COBLL1: variants seen among roughly 807,000 people sequenced by gnomAD.
COBLL1 encodes cordon-bleu WH2 repeat protein like 1.
COBLL1 carries 50 observed loss-of-function variants against 94.8 expected under a neutral mutation model. That is an observed-to-expected ratio of 0.53 (90% CI 0.42 to 0.67). COBLL1 has a LOEUF of 0.67. Ranked by LOEUF, COBLL1 falls within the 30% of genes least tolerant of loss-of-function variation. The probability of loss-of-function intolerance (pLI) is 0.00; values close to 1 mark genes in which losing one functional copy is unlikely to be tolerated. For missense variants in COBLL1, 1,362 were observed against 1,348.7 expected (o/e 1.01, Z -0.15); for synonymous variants, 448 against 473.8 (o/e 0.95, Z 0.71).
chr2:164,727,211 C>CATCACTGAGTTTAT, intron 5 of COBLL1: 1 of 882,540 alleles, frequency 1.1e-6, no homozygotes, highest in East Asian at 2.9e-5. Flanking sequence ...AAGTATAAAA[C>CATCACTGAGTTTAT]ATCACTGAGT....
At chr2:164,692,964 T>C (rs1377930584) in intron 12 of COBLL1, among the ~76,000 whole-genome samples, 1 of 152,170 alleles carries the variant, frequency 6.6e-6, no homozygotes, top group African/African-American at 2.4e-5. Flanking sequence ...TTTTTTGCCA[T>C]GAGAATCAAT....
intron 3 of COBLL1, among the ~76,000 whole-genome samples, chr2:164,741,883 T>C (rs1352496345): frequency 6.6e-6 from 1 of 152,130 alleles, no homozygotes; most frequent in Non-Finnish European, 1.5e-5. Context: ...CAGTCATAAA[T>C]TAGACTTGAG....
At chr2:164,799,441 T>C (rs905463700) in intron 2 of COBLL1, among the ~76,000 whole-genome samples, 1 of 152,140 alleles carries the variant, frequency 6.6e-6, no homozygotes, top group Non-Finnish European at 1.5e-5. Flanking sequence ...CTACATAACA[T>C]AGATGAAGGA....
At chr2:164,762,679 A>T (rs865875896) in intron 2 of COBLL1, among the ~76,000 whole-genome samples, 1 of 151,922 alleles carries the variant, frequency 6.6e-6, no homozygotes, top group South Asian at 2.1e-4. Context: ...CCTACAGGCC[A>T]AGTTAAGCCT....
intron 2 of COBLL1, among the ~76,000 whole-genome samples, chr2:164,810,829 A>G (rs1684424315): frequency 6.6e-6 from 1 of 151,966 alleles, no homozygotes; most frequent in African/African-American, 2.4e-5. Context: ...GAAAATAAAT[A>G]CATGAAGCAT....
intron 2 of COBLL1, among the ~76,000 whole-genome samples, chr2:164,816,146 G>C (rs1684733793): frequency 6.6e-6 from 1 of 151,950 alleles, no homozygotes; most frequent in Non-Finnish European, 1.5e-5. Flanking sequence ...TTTGGTTTGA[G>C]GATCTGTGAA....
rs576653840 is a variant in COBLL1, at chr2:164,710,226, A to G, written c.997-5121T>C. ...AGAACAACTGGGACTTGAGAAAGAG[A>G]TGTTCTACATCTACTAAAAAACCTT... On this transcript the variant is annotated intron_variant, in intron 7 of 13. Transcript: ENST00000652658. 1.6e-3 allele frequency among the ~76,000 whole-genome samples: 243 copies of G among 152,294 alleles called. 3 individuals are homozygous for G. Among genetic ancestry groups the G allele is most frequent in the Middle Eastern group, 3.4e-3 (1 of 294 alleles).
At chr2:164,712,996 T>TG (rs1684981453) in intron 7 of COBLL1, among the ~76,000 whole-genome samples, 2 of 152,128 alleles carry the variant, frequency 1.3e-5, no homozygotes, top group African/African-American at 4.8e-5. Context: ...GAAAGCATAC[T>TG]TGCCAGTTTC....
intron 2 of COBLL1, among the ~76,000 whole-genome samples, chr2:164,803,621 G>T (rs1683939417): frequency 6.9e-6 from 1 of 144,916 alleles, no homozygotes; most frequent in African/African-American, 2.5e-5. Context: ...AGCAAAGTTT[G>T]ACAAAACTAG....
chr2:164,704,564 A>T (rs1345459422), intron 8 of COBLL1, 46 bp from the exon 9 acceptor site: 1 of 1,434,092 alleles, frequency 7.0e-7, no homozygotes, highest in Non-Finnish European at 9.8e-7. Context: ...ATTCACAAAT[A>T]AAACAATTCC....
chr2:164,829,755 A>T (rs965994149), intron 2 of COBLL1, among the ~76,000 whole-genome samples: 78 of 152,342 alleles, frequency 5.1e-4, no homozygotes, highest in African/African-American at 1.7e-3. Context: ...TAAATACTTT[A>T]AAATTTTTTT....
At chr2:164,828,974 G>A (rs1682923465) in intron 2 of COBLL1, among the ~76,000 whole-genome samples, 1 of 152,054 alleles carries the variant, frequency 6.6e-6, no homozygotes, top group Non-Finnish European at 1.5e-5. Flanking sequence ...GAAGGAAGTG[G>A]GTGACAGGAA....
chr2:164,790,572 T>C (rs1683138350), intron 2 of COBLL1, among the ~76,000 whole-genome samples: 1 of 152,202 alleles, frequency 6.6e-6, no homozygotes, highest in Admixed American at 6.5e-5. Flanking sequence ...TACATCATTT[T>C]ACTTAAAGTT....
At chr2:164,814,622 G>A (rs1684627110) in intron 2 of COBLL1, among the ~76,000 whole-genome samples, 1 of 151,994 alleles carries the variant, frequency 6.6e-6, no homozygotes, top group Non-Finnish European at 1.5e-5. Context: ...ATAATTCATT[G>A]ATTCAAAAGT....
At chr2:164,801,859 C>T (rs554459036) in intron 2 of COBLL1, among the ~76,000 whole-genome samples, 1 of 152,260 alleles carries the variant, frequency 6.6e-6, no homozygotes, top group Admixed American at 6.5e-5. Context: ...ATATTTCTGG[C>T]AGAATAATGG....
At chr2:164,660,633 A>C (rs1261318372) in intron 2 of COBLL1, among the ~76,000 whole-genome samples, 1 of 152,182 alleles carries the variant, frequency 6.6e-6, no homozygotes, top group African/African-American at 2.4e-5. Context: ...GGTTTCTGTC[A>C]ATTTGTAATC....
chr2:164,743,962 T>C (rs183070266), intron 2 of COBLL1, 87 bp from the exon 3 acceptor site: 2 of 954,044 alleles, frequency 2.1e-6, no homozygotes, highest in Non-Finnish European at 3.0e-6. Flanking sequence ...AAATATGATC[T>C]AGTAGTGGTT....
chr2:164,694,469 C>G lies in COBLL1; in HGVS notation c.2923G>C (p.Gly975Arg). Residue 975 changes from glycine (G) to arginine (R), a missense_variant, in exon 12 of 14, where the codon GGT becomes CGT. Gly to Arg is a moderately radical substitution (Grantham distance 125, BLOSUM62 -2). Transcript: ENST00000652658. ...TQNLKTLKTF[G>R]APRPYSSSGP... ...GAACTTGAGTATGGTCGTGGGGCACCAAAAGTTTTCAAAGTCTTCAGATTT... is the reference window on the plus strand; with the variant it reads ...GAACTTGAGTATGGTCGTGGGGCACGAAAAGTTTTCAAAGTCTTCAGATTT... 6.2e-7 allele frequency: 1 copy of G among 1,613,856 alleles called. No individual in the cohort carries two copies. The highest frequency in any genetic ancestry group is 8.5e-7 in the Non-Finnish European group (1 of 1,179,916).
intron 2 of COBLL1, among the ~76,000 whole-genome samples, chr2:164,760,653 ATAT>A (rs1016030878): frequency 3.9e-5 from 6 of 152,182 alleles, no homozygotes; most frequent in African/African-American, 1.4e-4. Context: ...ATTATATATG[ATAT>A]TATTATTGGG....
Sources: gnomAD v4.1 joint callset for allele counts (sites outside exome capture counted in the v4.1 genomes callset) on GRCh38, gnomAD v4.1.1 for gene constraint, MANE v1.5 for transcripts, NCBI Gene and HGNC (gene_info 2026-07-23, HGNC 2026-07-21) for gene names.